Variants in TLN2 observed in about 807,000 individuals in gnomAD.
TLN2 encodes the protein talin 2.
In TLN2, 118 loss-of-function variants were observed where a neutral mutation model predicts 294.7. The observed-to-expected ratio is 0.40, with a 90% confidence interval of 0.34 to 0.47. The LOEUF is 0.47. TLN2 is among the 20% of genes least tolerant of loss of function. TLN2 has a pLI of 0.84. For missense variants in TLN2, 3,083 were observed against 3,282.2 expected (o/e 0.94, Z 1.48); for synonymous variants, 1,431 against 1,304.5 (o/e 1.10, Z -2.09).
At chr15:62,788,243 G>A (rs4383083) in intron 45 of TLN2, among the ~76,000 whole-genome samples, 85,101 of 151,408 alleles carry the variant, frequency 0.56, 25,216 homozygotes, top group Non-Finnish European at 0.65. Flanking sequence ...CCCGGGTGGC[G>A]GAGGTTGCAG....
chr15:62,474,971 C>T (rs1399408214), intron 1 of TLN2, among the ~76,000 whole-genome samples: 1 of 152,020 alleles, frequency 6.6e-6, no homozygotes, highest in Non-Finnish European at 1.5e-5. Flanking sequence ...AATGACCTCA[C>T]TGCCTGAGTT....
intron 1 of TLN2, among the ~76,000 whole-genome samples, chr15:62,425,618 T>C (rs2034667127): frequency 6.6e-6 from 1 of 152,218 alleles, no homozygotes; most frequent in African/African-American, 2.4e-5. Flanking sequence ...TGAGTCTTCC[T>C]GCTTTGGTGT....
intron 1 of TLN2, among the ~76,000 whole-genome samples, chr15:62,511,608 C>T (rs935433064): frequency 2.6e-5 from 4 of 151,898 alleles, no homozygotes; most frequent in Admixed American, 1.3e-4. Flanking sequence ...CCACCCCCAG[C>T]GTGAGAAGCG....
At chr15:62,631,924 T>C (rs747937458) in intron 3 of TLN2, among the ~76,000 whole-genome samples, 1 of 152,114 alleles carries the variant, frequency 6.6e-6, no homozygotes, top group Non-Finnish European at 1.5e-5. Flanking sequence ...CTCCTCTCTA[T>C]AGATGATGAT....
At chr15:62,597,951 A>G (rs1029170249) in intron 2 of TLN2, among the ~76,000 whole-genome samples, 2 of 152,194 alleles carry the variant, frequency 1.3e-5, no homozygotes, top group Non-Finnish European at 2.9e-5. Context: ...ACACTCAGAA[A>G]GTTTCAGACT....
intron 17 of TLN2, 126 bp from the exon 18 acceptor site, chr15:62,701,866 A>G (rs1004477696): frequency 9.2e-7 from 1 of 1,087,352 alleles, no homozygotes; most frequent in Non-Finnish European, 1.3e-6. Context: ...CACTGTGCTC[A>G]TGTGAAGCTT....
chr15:62,632,713 C>G (rs1176177672), intron 3 of TLN2, among the ~76,000 whole-genome samples: 1 of 152,116 alleles, frequency 6.6e-6, no homozygotes, highest in African/African-American at 2.4e-5. Context: ...GTATCCTTCC[C>G]CTAGGCTCAG....
intron 3 of TLN2, among the ~76,000 whole-genome samples, chr15:62,642,750 T>C (rs919549640): frequency 6.6e-6 from 1 of 150,750 alleles, no homozygotes; most frequent in Non-Finnish European, 1.5e-5. Context: ...CAGGCTGGGG[T>C]GCAGTGGCAC....
At chr15:62,445,698 C>T (rs2140311785) in intron 1 of TLN2, among the ~76,000 whole-genome samples, 1 of 151,652 alleles carries the variant, frequency 6.6e-6, no homozygotes, top group East Asian at 1.9e-4. Flanking sequence ...GGGTCTTGCT[C>T]TGTCACCGAG....
rs150200418 is a variant in TLN2 at position 62,466,868 on chromosome 15, G to A, written c.-238+76183G>A. Among the ~76,000 whole-genome samples the A allele has an allele frequency of 6.6e-4, 100 of 152,328 alleles. 1 individual carries two copies. Among genetic ancestry groups the A allele is most frequent in the African/African-American group, 2.4e-3 (99 of 41,572 alleles). On this transcript the variant is annotated intron_variant, in intron 1 of 58. Coordinates refer to ENST00000636159, the MANE Select transcript of TLN2 (RefSeq NM_015059.3). ...TGACCTTGTCTCCACTAAGCAGCTTGTACTTTTAATTTTTGCAAATGGCTG... is the reference window on the plus strand; with the variant it reads ...TGACCTTGTCTCCACTAAGCAGCTTATACTTTTAATTTTTGCAAATGGCTG...
At chr15:62,518,256 G>T (rs7177690) in intron 1 of TLN2, among the ~76,000 whole-genome samples, 1 of 151,930 alleles carries the variant, frequency 6.6e-6, no homozygotes, top group Non-Finnish European at 1.5e-5. Context: ...TCAGGCCGGT[G>T]TTGAACTCCT....
intron 1 of TLN2, among the ~76,000 whole-genome samples, chr15:62,402,612 T>C (rs748444218): frequency 5.3e-5 from 8 of 152,218 alleles, no homozygotes; most frequent in Non-Finnish European, 8.8e-5. Context: ...TGATCCTGCC[T>C]AGAGAAAACA....
At chr15:62,791,130 T>A (rs1302662947) in intron 45 of TLN2, among the ~76,000 whole-genome samples, 1 of 151,926 alleles carries the variant, frequency 6.6e-6, no homozygotes, top group Non-Finnish European at 1.5e-5. Flanking sequence ...ACGGATCACC[T>A]GAGGTCAGGA....
At chr15:62,652,280 A>G (rs369597022) in intron 6 of TLN2, 146 bp downstream of exon 6, 9 of 855,870 alleles carry the variant, frequency 1.1e-5, no homozygotes, top group East Asian at 6.2e-5. Context: ...GGGTGTGTCC[A>G]TTCTCCCAAC....
chr15:62,461,465 G>T (rs1375439315), intron 1 of TLN2, among the ~76,000 whole-genome samples: 2 of 152,204 alleles, frequency 1.3e-5, no homozygotes, highest in African/African-American at 4.8e-5. Context: ...TGGCTGTGAT[G>T]TATAGAGCAA....
At chr15:62,543,276 T>A (rs1780124312) in intron 1 of TLN2, among the ~76,000 whole-genome samples, 1 of 152,226 alleles carries the variant, frequency 6.6e-6, no homozygotes, top group Non-Finnish European at 1.5e-5. Flanking sequence ...AAACTCTATA[T>A]TCTCAACTCT....
intron 1 of TLN2, among the ~76,000 whole-genome samples, chr15:62,579,336 T>C (rs1232936882): frequency 6.6e-6 from 1 of 152,174 alleles, no homozygotes; most frequent in African/African-American, 2.4e-5. Context: ...AAGATGAATT[T>C]TGAGGGTTAC....
At chr15:62,646,142 T>C (rs185435186) in intron 3 of TLN2, among the ~76,000 whole-genome samples, 4 of 148,238 alleles carry the variant, frequency 2.7e-5, no homozygotes, top group Admixed American at 1.4e-4. Context: ...TCTCGTCTCA[T>C]CTCGTCTCAT....
intron 1 of TLN2, among the ~76,000 whole-genome samples, chr15:62,493,369 A>G (rs987800175): frequency 6.6e-6 from 1 of 152,016 alleles, no homozygotes; most frequent in Non-Finnish European, 1.5e-5. Context: ...CTGGTGACAT[A>G]CCCACCCCTG....
Sources: gnomAD v4.1 joint callset for allele counts (sites outside exome capture counted in the v4.1 genomes callset) on GRCh38, gnomAD v4.1.1 for gene constraint, MANE v1.5 for transcripts, NCBI Gene and HGNC (gene_info 2026-07-23, HGNC 2026-07-21) for gene names.